GALNT13: variants seen among roughly 807,000 people sequenced by gnomAD.
GALNT13 encodes UDP-GalNAc:polypeptide N-acetylgalactosaminyltransferase 13.
GALNT13 carries 28 observed loss-of-function variants against 64.2 expected under a neutral mutation model. The observed-to-expected ratio is 0.44, with a 90% CI of 0.32 to 0.60. The LOEUF (loss-of-function observed/expected upper bound fraction) is 0.60, where lower values mean the gene tolerates loss of function less well. GALNT13 is among the 20% of genes least tolerant of loss of function. The pLI is 0.05. For synonymous variants in GALNT13, 214 were observed against 224.6 expected (o/e 0.95, Z 0.42); for missense variants, 577 against 669.8 (o/e 0.86, Z 1.53).
the GALNT13 span, among the ~76,000 whole-genome samples, chr2:153,322,477 G>A: frequency 6.6e-6 from 1 of 151,926 alleles, no homozygotes; most frequent in Non-Finnish European, 1.5e-5. Flanking sequence ...ACAAACATGT[G>A]AGTACATGTT....
chr2:153,190,204 C>A, the GALNT13 span, among the ~76,000 whole-genome samples: 2 of 151,928 alleles, frequency 1.3e-5, no homozygotes, highest in Non-Finnish European at 2.9e-5. Flanking sequence ...CGTGTGTTTT[C>A]TTCTAATAGT....
At chr2:153,136,681 C>A in the GALNT13 span, among the ~76,000 whole-genome samples, 2 of 152,034 alleles carry the variant, frequency 1.3e-5, no homozygotes, top group Admixed American at 1.3e-4. Flanking sequence ...ACTAAAACTA[C>A]CCTTGACCAT....
the GALNT13 span, among the ~76,000 whole-genome samples, chr2:153,755,562 C>T: frequency 6.6e-6 from 1 of 152,008 alleles, no homozygotes; most frequent in South Asian, 2.1e-4. Context: ...TGAAAAATAC[C>T]TATTCAGGTC....
chr2:153,603,040 G>A, the GALNT13 span, among the ~76,000 whole-genome samples: 4 of 151,804 alleles, frequency 2.6e-5, no homozygotes, highest in African/African-American at 9.7e-5. Flanking sequence ...ATAGTGTTGT[G>A]TTGTAGTCCT....
chr2:153,841,112 T>A, the GALNT13 span, among the ~76,000 whole-genome samples: 1 of 152,160 alleles, frequency 6.6e-6, no homozygotes, highest in Non-Finnish European at 1.5e-5. Context: ...TATTTTAGTG[T>A]CATAACAATT....
chr2:154,167,709 C>T (rs1402262895), intron 4 of GALNT13, among the ~76,000 whole-genome samples: 1 of 152,106 alleles, frequency 6.6e-6, no homozygotes, highest in African/African-American at 2.4e-5. Flanking sequence ...TGTGTGACCA[C>T]ATATGTGGGT....
At chr2:153,684,509 A>G in the GALNT13 span, among the ~76,000 whole-genome samples, 1 of 151,738 alleles carries the variant, frequency 6.6e-6, no homozygotes, top group Non-Finnish European at 1.5e-5. Flanking sequence ...GCATTTAGCC[A>G]TGGGCAATGG....
chr2:153,265,273 A>G, the GALNT13 span, among the ~76,000 whole-genome samples: 1 of 152,168 alleles, frequency 6.6e-6, no homozygotes, highest in Non-Finnish European at 1.5e-5. Flanking sequence ...TTTGTGGCCT[A>G]GACAGCCTTT....
At chr2:154,444,648 C>G (rs934589692) in intron 12 of GALNT13, among the ~76,000 whole-genome samples, 1 of 152,044 alleles carries the variant, frequency 6.6e-6, no homozygotes, top group African/African-American at 2.4e-5. Flanking sequence ...AATTTCACTT[C>G]TAAGAATCAT....
chr2:153,664,705 G>A, the GALNT13 span, among the ~76,000 whole-genome samples: 2 of 152,114 alleles, frequency 1.3e-5, no homozygotes, highest in East Asian at 1.9e-4. Flanking sequence ...TTAATTTGGG[G>A]AACTAATAAA....
the GALNT13 span, among the ~76,000 whole-genome samples, chr2:153,200,861 G>T: frequency 6.6e-6 from 1 of 152,268 alleles, no homozygotes; most frequent in East Asian, 1.9e-4. Context: ...GGAAAGTCAG[G>T]CTAGGGTTTT....
the GALNT13 span, among the ~76,000 whole-genome samples, chr2:153,471,638 T>C: frequency 6.6e-6 from 1 of 152,148 alleles, no homozygotes; most frequent in African/African-American, 2.4e-5. Context: ...TCTTCAAATT[T>C]AGGGTCCCAG....
At chr2:153,785,804 G>A in the GALNT13 span, among the ~76,000 whole-genome samples, 1 of 152,094 alleles carries the variant, frequency 6.6e-6, no homozygotes, top group Non-Finnish European at 1.5e-5. Context: ...TGGGCGTGGG[G>A]GATGCCATAT....
At chr2:153,383,913 A>G in the GALNT13 span, among the ~76,000 whole-genome samples, 1 of 152,036 alleles carries the variant, frequency 6.6e-6, no homozygotes, top group Admixed American at 6.6e-5. Context: ...TTGATGGTCT[A>G]TTTGAAGCAT....
intron 9 of GALNT13, among the ~76,000 whole-genome samples, chr2:154,340,502 A>T (rs1208889790): frequency 6.6e-6 from 1 of 152,116 alleles, no homozygotes; most frequent in Non-Finnish European, 1.5e-5. Flanking sequence ...ATTTAATAAA[A>T]TGTTTTTTTG....
chr2:153,975,286 T>C (rs1694005140), intron 3 of GALNT13, among the ~76,000 whole-genome samples: 1 of 152,052 alleles, frequency 6.6e-6, no homozygotes, highest in African/African-American at 2.4e-5. Flanking sequence ...ACATGCTTTT[T>C]CTTAGATACC....
At chr2:153,082,610 TATATATATACACAC>T in the GALNT13 span, among the ~76,000 whole-genome samples, 13 of 43,400 alleles carry the variant, frequency 3.0e-4, no homozygotes, top group Non-Finnish European at 4.7e-4. Flanking sequence ...TATATATATA[TATATATATACACAC>T]ACACACACAC....
At chr2:154,138,034 A>T (rs1558979786) in intron 3 of GALNT13, among the ~76,000 whole-genome samples, 1 of 152,040 alleles carries the variant, frequency 6.6e-6, no homozygotes, top group Non-Finnish European at 1.5e-5. Flanking sequence ...GTTATGAGTC[A>T]ACACTGGAAT....
At chr2:153,124,664 C>G in the GALNT13 span, among the ~76,000 whole-genome samples, 1 of 152,156 alleles carries the variant, frequency 6.6e-6, no homozygotes. Context: ...TGCCACCATG[C>G]CCAGCTAGTT....
Sources: allele counts gnomAD v4.1 joint callset (sites outside exome capture counted in the v4.1 genomes callset), GRCh38; gene constraint gnomAD v4.1.1; transcripts MANE v1.5; gene names NCBI Gene and HGNC (gene_info 2026-07-23, HGNC 2026-07-21).